AUTS2: variants seen among roughly 807,000 people sequenced by gnomAD.
AUTS2 encodes the protein autism susceptibility gene 2 protein.
AUTS2 carries 17 observed loss-of-function variants against 112.4 expected under a neutral mutation model. The observed-to-expected ratio is 0.15, with a 90% CI of 0.10 to 0.23. The LOEUF (loss-of-function observed/expected upper bound fraction) is 0.23. Ranked by LOEUF, AUTS2 falls within the 10% of genes least tolerant of loss-of-function variation. The pLI is 1.00. For missense variants in AUTS2, 1,510 were observed against 1,701.6 expected, an observed-to-expected ratio of 0.89 and a Z score of 1.98; for synonymous variants, 751 against 702.7, an observed-to-expected ratio of 1.07 and a Z score of -1.09.
intron 3 of AUTS2, among the ~76,000 whole-genome samples, chr7:70,128,499 TAAAGA>T (rs1450176669): frequency 6.6e-6 from 1 of 151,970 alleles, no homozygotes; most frequent in East Asian, 1.9e-4. Flanking sequence ...GAGGCCTAAG[TAAAGA>T]AAAGAAGGTA....
intron 5 of AUTS2, among the ~76,000 whole-genome samples, chr7:70,496,014 C>T (rs1190640135): frequency 9.3e-6 from 1 of 107,246 alleles, no homozygotes; most frequent in African/African-American, 4.0e-5. Context: ...CAGTCACACA[C>T]ACACACCCCC....
At chr7:70,232,349 A>G (rs1812099752) in intron 4 of AUTS2, among the ~76,000 whole-genome samples, 1 of 151,616 alleles carries the variant, frequency 6.6e-6, no homozygotes, top group Admixed American at 6.6e-5. Context: ...ATGAGCATAC[A>G]TACGTACAGT....
At chr7:70,115,187 A>G (rs1030484723) in intron 2 of AUTS2, among the ~76,000 whole-genome samples, 4 of 152,062 alleles carry the variant, frequency 2.6e-5, no homozygotes, top group African/African-American at 7.2e-5. Flanking sequence ...TAAAGTCATC[A>G]TTTTCCTTCC....
intron 4 of AUTS2, among the ~76,000 whole-genome samples, chr7:70,165,145 C>A (rs955301788): frequency 4.6e-5 from 7 of 151,980 alleles, no homozygotes; most frequent in Non-Finnish European, 4.4e-5. Context: ...TGAGGATAGG[C>A]TAATAAAGCC....
At chr7:70,257,622 GT>G (rs768640377) in intron 4 of AUTS2, among the ~76,000 whole-genome samples, 137 of 139,746 alleles carry the variant, frequency 9.8e-4, no homozygotes, top group Admixed American at 1.2e-3. Flanking sequence ...CTGGCCTGAA[GT>G]TTTTTTTTTT....
chr7:69,890,480 T>G (rs188567450), intron 1 of AUTS2, among the ~76,000 whole-genome samples: 55 of 152,326 alleles, frequency 3.6e-4, no homozygotes, highest in Admixed American at 3.3e-3. Flanking sequence ...TGTGTATCAT[T>G]ATATACATTA....
chr7:69,617,520 A>G (rs535699525), intron 1 of AUTS2, among the ~76,000 whole-genome samples: 1 of 152,272 alleles, frequency 6.6e-6, no homozygotes, highest in South Asian at 2.1e-4. Flanking sequence ...GGCTGGAACA[A>G]AGCCATTGAG....
At chr7:69,955,270 C>T (rs1246270214) in intron 2 of AUTS2, among the ~76,000 whole-genome samples, 1 of 152,142 alleles carries the variant, frequency 6.6e-6, no homozygotes, top group African/African-American at 2.4e-5. Flanking sequence ...CTTCTGCTAT[C>T]AAAGAGGACT....
chr7:69,671,519 G>GTGTGTGTC (rs1796327479), intron 1 of AUTS2, among the ~76,000 whole-genome samples: 1 of 149,648 alleles, frequency 6.7e-6, no homozygotes, highest in African/African-American at 2.5e-5. Context: ...GTGTGTGTGT[G>GTGTGTGTC]TGTGTCTGTG....
intron 5 of AUTS2, among the ~76,000 whole-genome samples, chr7:70,553,314 G>A (rs948115989): frequency 6.6e-6 from 1 of 152,306 alleles, no homozygotes; most frequent in South Asian, 2.1e-4. Context: ...CATTGTTCAT[G>A]TGCCACAGTT....
chr7:69,616,010 T>A (rs1023208837), intron 1 of AUTS2, among the ~76,000 whole-genome samples: 3 of 152,244 alleles, frequency 2.0e-5, no homozygotes, highest in Non-Finnish European at 4.4e-5. Context: ...GATAGAGATT[T>A]GCAAAAGTCC....
At chr7:70,292,757 C>T (rs1023590384) in intron 4 of AUTS2, 2 of 152,050 alleles carry the variant, frequency 1.3e-5, no homozygotes, top group East Asian at 3.9e-4. Context: ...AACAGATGAT[C>T]CTTAAATTGG....
chr7:70,246,930 G>C lies in AUTS2; in HGVS notation c.660+112359G>C, dbSNP rs145381510. Among the ~76,000 whole-genome samples the C allele has an allele frequency of 1.2e-3, 184 of 151,350 alleles. 1 individual carries two copies. Among genetic ancestry groups the C allele is most frequent in the African/African-American group, 4.2e-3 (173 of 41,260 alleles). On this transcript the variant is annotated intron_variant, in intron 4 of 18. Transcript: ENST00000342771. ...ATTACCTATTTGCAAATTTCTATTA[G>C]ATTTGTTCCCAGGTACTTGATTTTT...
At chr7:70,575,388 C>T (rs188004512) in intron 5 of AUTS2, among the ~76,000 whole-genome samples, 23 of 152,288 alleles carry the variant, frequency 1.5e-4, no homozygotes, top group Admixed American at 1.4e-3. Context: ...AAGTGCCAAG[C>T]CCAGGCCTCT....
intron 2 of AUTS2, among the ~76,000 whole-genome samples, chr7:70,077,314 A>C (rs1300247918): frequency 1.3e-5 from 2 of 152,184 alleles, no homozygotes; most frequent in Non-Finnish European, 2.9e-5. Flanking sequence ...AGGCCGAGGG[A>C]TAATGTGCTG....
chr7:70,167,720 C>G (rs1380713592), intron 4 of AUTS2, among the ~76,000 whole-genome samples: 1 of 152,178 alleles, frequency 6.6e-6, no homozygotes, highest in Non-Finnish European at 1.5e-5. Context: ...TGTTCACTGA[C>G]CACAACAGAC....
Position 70,032,883 on chromosome 7 carries a change from T to TA in AUTS2, c.523-85236dup, listed in dbSNP as rs58452434. ...CTTGAATGAACAGATAGAGGCAGAG[T>TA]AAAAAAAAAAAAAGACATTATGCTA... On this transcript the variant is annotated intron_variant, in intron 2 of 18. Coordinates refer to ENST00000342771, the MANE Select transcript of AUTS2 (RefSeq NM_015570.4). Among the ~76,000 whole-genome samples, 1,117 of 137,298 alleles carry TA rather than the reference T, an allele frequency of 8.1e-3. 15 individuals carry two copies. The highest frequency in any genetic ancestry group is 0.023 in the African/African-American group (876 of 37,320). The allele number at this position is 137,298 out of a possible 152,430, so 90.1% of individuals were successfully genotyped here. A position where few individuals can be genotyped will look rare whatever the true frequency, so the allele number is the denominator to read the frequency against.
chr7:70,783,089 A>ATAAT (rs985685693), intron 15 of AUTS2: 3 of 152,190 alleles, frequency 2.0e-5, no homozygotes, highest in African/African-American at 7.2e-5. Flanking sequence ...TTTTGCTTCA[A>ATAAT]TAATTCTGGA....
At chr7:69,914,342 G>GACACACAC (rs372734634) in intron 2 of AUTS2, among the ~76,000 whole-genome samples, 2 of 85,596 alleles carry the variant, frequency 2.3e-5, no homozygotes, top group African/African-American at 5.1e-5. Flanking sequence ...CACAGACACA[G>GACACACAC]ACACACACAC....
Sources: allele counts gnomAD v4.1 joint callset (sites outside exome capture counted in the v4.1 genomes callset), GRCh38; gene constraint gnomAD v4.1.1; transcripts MANE v1.5; gene names NCBI Gene and HGNC (gene_info 2026-07-23, HGNC 2026-07-21).